The following ABAT variants were observed in gnomAD, a reference collection of about 807,000 sequenced individuals.
The protein encoded by ABAT is 4-aminobutyrate aminotransferase, also known as 4-aminobutyrate aminotransferase, mitochondrial.
ABAT carries 45 observed loss-of-function variants against 64.6 expected under a neutral mutation model. The ratio of observed to expected loss-of-function variants is 0.70; its 90% CI spans 0.55 to 0.89. The LOEUF (loss-of-function observed/expected upper bound fraction) is 0.89, where lower values mean the gene tolerates loss of function less well. Ranked by LOEUF, ABAT falls within the 40% of genes least tolerant of loss-of-function variation. ABAT has a pLI of 0.00. For missense variants in ABAT, 633 were observed against 658.4 expected, an observed-to-expected ratio of 0.96 and a Z score of 0.42; for synonymous variants, 297 against 250.5, an observed-to-expected ratio of 1.19 and a Z score of -1.75.
chr16:8,753,912 C>A (rs2059564941), intron 5 of ABAT, among the ~76,000 whole-genome samples: 1 of 152,112 alleles, frequency 6.6e-6, no homozygotes, highest in Non-Finnish European at 1.5e-5. Flanking sequence ...GATGCCAGGT[C>A]TTTAATACCT....
chr16:8,759,282 T>C (rs143247045), intron 6 of ABAT, among the ~76,000 whole-genome samples: 21 of 152,250 alleles, frequency 1.4e-4, no homozygotes, highest in African/African-American at 4.8e-4. Flanking sequence ...TTCCCTATCA[T>C]GAAATTGAAA....
At chr16:8,743,764 T>G (rs1196597584) in intron 2 of ABAT, among the ~76,000 whole-genome samples, 1 of 150,618 alleles carries the variant, frequency 6.6e-6, no homozygotes, top group Non-Finnish European at 1.5e-5. Flanking sequence ...TGAAATTAGA[T>G]TATTTATGTA....
At chr16:8,732,633 A>T (rs1274694906) in intron 1 of ABAT, among the ~76,000 whole-genome samples, 1 of 151,522 alleles carries the variant, frequency 6.6e-6, no homozygotes, top group Non-Finnish European at 1.5e-5. Context: ...TTCTACACAG[A>T]CACGGCAACC....
intron 2 of ABAT, among the ~76,000 whole-genome samples, chr16:8,740,979 T>A (rs765851558): frequency 6.6e-6 from 1 of 152,216 alleles, no homozygotes; most frequent in African/African-American, 2.4e-5. Flanking sequence ...TTTGGCTGTT[T>A]GGGAACACGA....
intron 1 of ABAT, among the ~76,000 whole-genome samples, chr16:8,735,046 T>TAAAAAAAAAAAAA (rs34887951): frequency 5.9e-4 from 87 of 147,634 alleles, no homozygotes; most frequent in African/African-American, 1.8e-3. Flanking sequence ...CATCTCTACT[T>TAAAAAAAAAAAAA]AAAAAAAAAA....
chr16:8,729,145 G>GAAAA (rs56095207), intron 1 of ABAT, among the ~76,000 whole-genome samples: 1 of 145,702 alleles, frequency 6.9e-6, no homozygotes. Context: ...TGGCTCTACT[G>GAAAA]AAAAAAAAAA....
At chr16:8,687,418 C>T (rs987317698) in intron 1 of ABAT, among the ~76,000 whole-genome samples, 11 of 152,074 alleles carry the variant, frequency 7.2e-5, no homozygotes, top group Non-Finnish European at 1.5e-4. Context: ...CCCAGCCACA[C>T]GGGAGGCTGA....
rs930824072 is a variant in ABAT at position 8,757,292 on chromosome 16, C to G, written c.317-465C>G. The stretch of plus-strand genomic sequence containing the variant: ...AAGAGATTCTTCTGCCTCAGCCCCC[C>G]GAGTACCTGGGATTACAGGCACGTG... On this transcript the variant is annotated intron_variant, in intron 5 of 15. Coordinates refer to ENST00000268251, the MANE Select transcript of ABAT (RefSeq NM_020686.6). 2 of 393,808 alleles carry G rather than the reference C, an allele frequency of 5.1e-6. 1 individual carries two copies. Among genetic ancestry groups the G allele is most frequent in the South Asian group, 3.9e-5 (2 of 51,068 alleles). 24.4% of individuals were successfully genotyped at this position (393,808 alleles called of 1,614,324 possible).
intron 4 of ABAT, among the ~76,000 whole-genome samples, chr16:8,749,133 G>A (rs1449344367): frequency 3.3e-5 from 5 of 149,772 alleles, no homozygotes; most frequent in Non-Finnish European, 7.4e-5. Context: ...TATTGCCCAG[G>A]CTAGAGTGCA....
intron 1 of ABAT, among the ~76,000 whole-genome samples, chr16:8,726,833 C>G (rs1219765441): frequency 1.3e-5 from 2 of 152,196 alleles, no homozygotes; most frequent in Non-Finnish European, 1.5e-5. Flanking sequence ...TCCCTTTGCT[C>G]CACATCCTCT....
At chr16:8,717,614 C>A (rs2058249544) in intron 1 of ABAT, among the ~76,000 whole-genome samples, 1 of 152,178 alleles carries the variant, frequency 6.6e-6, no homozygotes, top group African/African-American at 2.4e-5. Flanking sequence ...AGACCAGAGT[C>A]TCCCAATCAA....
rs1183202395 is a variant in ABAT, at chr16:8,720,032, C to T, written c.-41-15667C>T. Among the ~76,000 whole-genome samples, 7 of 152,262 alleles carry T rather than the reference C, an allele frequency of 4.6e-5. No homozygotes were observed. The East Asian group carries it at 7.7e-4, about 17-fold the overall frequency. Reference sequence around the variant, plus strand: ...TTCACCATTTTAGCCAGGCTGGTCTCGAACTTTTGACCTCAGGTGATCTGC... The same window carrying T: ...TTCACCATTTTAGCCAGGCTGGTCTTGAACTTTTGACCTCAGGTGATCTGC... On this transcript the variant is annotated intron_variant, in intron 1 of 15. Coordinates refer to ENST00000268251, the MANE Select transcript of ABAT (RefSeq NM_020686.6).
chr16:8,778,303 G>A (rs144785609), intron 14 of ABAT, among the ~76,000 whole-genome samples: 314 of 152,282 alleles, frequency 2.1e-3, no homozygotes, highest in Middle Eastern at 0.014. Flanking sequence ...CAGCAGAGTT[G>A]GCTCCTTCTC....
chr16:8,731,693 C>T (rs182874912), intron 1 of ABAT: 1 of 151,720 alleles, frequency 6.6e-6, no homozygotes, highest in East Asian at 1.9e-4. Context: ...TTACCATCTT[C>T]ACCATTTTCA....
intron 1 of ABAT, among the ~76,000 whole-genome samples, chr16:8,686,949 G>C (rs1337531008): frequency 6.6e-6 from 1 of 152,216 alleles, no homozygotes; most frequent in African/African-American, 2.4e-5. Flanking sequence ...TGGAGTGCAA[G>C]GCCAACCTTG....
At chr16:8,703,565 G>C (rs1056519666) in intron 1 of ABAT, among the ~76,000 whole-genome samples, 1 of 152,178 alleles carries the variant, frequency 6.6e-6, no homozygotes, top group African/African-American at 2.4e-5. Flanking sequence ...ATGGCAAATG[G>C]TGACTTAGGG....
At chr16:8,769,082 G>A in intron 11 of ABAT, 109 bp downstream of exon 11, 1 of 1,491,144 alleles carries the variant, frequency 6.7e-7, no homozygotes, top group Non-Finnish European at 9.3e-7. Context: ...GGGGATCTGT[G>A]CAGTGCTCCC....
At chr16:8,702,915 G>T (rs1033000066) in intron 1 of ABAT, among the ~76,000 whole-genome samples, 7 of 152,104 alleles carry the variant, frequency 4.6e-5, no homozygotes, top group South Asian at 2.1e-4. Context: ...GGGAAATGAT[G>T]GAGGCAGGAA....
chr16:8,714,044 C>A (rs750119251), intron 1 of ABAT, among the ~76,000 whole-genome samples: 1 of 152,128 alleles, frequency 6.6e-6, no homozygotes. Flanking sequence ...GTGCCTGGCT[C>A]TCTGTGTGTA....
Sources: gnomAD v4.1 joint callset for allele counts (sites outside exome capture counted in the v4.1 genomes callset) on GRCh38, gnomAD v4.1.1 for gene constraint, MANE v1.5 for transcripts, NCBI Gene and HGNC (gene_info 2026-07-23, HGNC 2026-07-21) for gene names.